The following GALNT13 variants were observed in gnomAD, a reference collection of about 807,000 sequenced individuals.
GALNT13 encodes the protein polypeptide N-acetylgalactosaminyltransferase 13, also known as UDP-GalNAc:polypeptide N-acetylgalactosaminyltransferase 13.
Under a neutral mutation model 64.2 loss-of-function variants are expected in GALNT13, and 28 were observed. That is an observed-to-expected ratio of 0.44 (90% CI 0.32 to 0.60). GALNT13 has a LOEUF of 0.60. GALNT13 is among the 20% of genes least tolerant of loss of function. GALNT13 has a pLI of 0.05. For missense variants in GALNT13, 577 were observed against 669.8 expected, an observed-to-expected ratio of 0.86 and a Z score of 1.53; for synonymous variants, 214 against 224.6, an observed-to-expected ratio of 0.95 and a Z score of 0.42.
intron 2 of GALNT13, among the ~76,000 whole-genome samples, chr2:153,912,522 C>A (rs1172328204): frequency 6.6e-6 from 1 of 152,126 alleles, no homozygotes; most frequent in Admixed American, 6.5e-5. Context: ...CTGGTTCTTT[C>A]TCATCTTTGT....
At chr2:153,175,135 G>A in the GALNT13 span, among the ~76,000 whole-genome samples, 1 of 152,098 alleles carries the variant, frequency 6.6e-6, no homozygotes, top group Non-Finnish European at 1.5e-5. Context: ...GGGAAGGAAG[G>A]ATGACCTAAA....
At chr2:153,840,312 A>G in the GALNT13 span, among the ~76,000 whole-genome samples, 1 of 152,126 alleles carries the variant, frequency 6.6e-6, no homozygotes, top group Admixed American at 6.6e-5. Context: ...GTTTGCTTTT[A>G]CATTTAAAAC....
the GALNT13 span, among the ~76,000 whole-genome samples, chr2:153,578,837 C>T: frequency 6.6e-6 from 1 of 152,080 alleles, no homozygotes; most frequent in Non-Finnish European, 1.5e-5. Context: ...AACACATTGG[C>T]GTCACTCCTG....
At chr2:154,163,019 A>G (rs981391978) in intron 4 of GALNT13, among the ~76,000 whole-genome samples, 33 of 150,330 alleles carry the variant, frequency 2.2e-4, no homozygotes, top group African/African-American at 7.8e-4. Context: ...TTTAGGGTAC[A>G]TGTGCACAAT....
the GALNT13 span, among the ~76,000 whole-genome samples, chr2:153,199,470 A>G: frequency 6.6e-6 from 1 of 152,170 alleles, no homozygotes; most frequent in Admixed American, 6.5e-5. Context: ...TTGTGGTAGT[A>G]TCATCAGACT....
the GALNT13 span, among the ~76,000 whole-genome samples, chr2:153,627,944 T>G: frequency 6.6e-6 from 1 of 152,134 alleles, no homozygotes; most frequent in East Asian, 1.9e-4. Flanking sequence ...CCTTGGGCAG[T>G]ATGGCCATTT....
chr2:153,455,371 G>T, the GALNT13 span, among the ~76,000 whole-genome samples: 1 of 152,194 alleles, frequency 6.6e-6, no homozygotes, highest in African/African-American at 2.4e-5. Context: ...TTGCCCCAGG[G>T]GTGCCTCGTT....
rs182656358 is a variant in GALNT13 at position 153,908,484 on chromosome 2, G to T, written c.-105+7477G>T. Reference sequence around the variant, plus strand: ...TTTAACAGGTTCTTCATCCAGAATGGTATTTTCTAGGTTGTCTTCCAGAGT... The same window carrying T: ...TTTAACAGGTTCTTCATCCAGAATGTTATTTTCTAGGTTGTCTTCCAGAGT... On this transcript the variant is annotated intron_variant, in intron 2 of 12. Transcript: ENST00000392825. Among the ~76,000 whole-genome samples the T allele has an allele frequency of 1.4e-3, 213 of 152,158 alleles. 3 individuals are homozygous for T. The highest frequency in any genetic ancestry group is 9.7e-3 in the South Asian group (47 of 4,828).
the GALNT13 span, among the ~76,000 whole-genome samples, chr2:153,788,183 CAGTAAGAGAGA>C: frequency 6.6e-6 from 1 of 151,938 alleles, no homozygotes; most frequent in African/African-American, 2.4e-5. Flanking sequence ...ATAATAAAGG[CAGTAAGAGAGA>C]AAGGACAGGT....
chr2:154,156,463 C>G (rs957130967), intron 4 of GALNT13, among the ~76,000 whole-genome samples: 1 of 151,958 alleles, frequency 6.6e-6, no homozygotes, highest in African/African-American at 2.4e-5. Flanking sequence ...GTAAATGTAG[C>G]TAAATATCAA....
the GALNT13 span, among the ~76,000 whole-genome samples, chr2:153,725,949 G>A: frequency 4.3e-3 from 657 of 151,730 alleles, 6 homozygotes; most frequent in African/African-American, 0.015. Flanking sequence ...ATATTTTTTC[G>A]TATGAAGTGT....
chr2:153,929,810 C>G (rs1177962684), intron 2 of GALNT13, among the ~76,000 whole-genome samples: 6 of 152,200 alleles, frequency 3.9e-5, no homozygotes, highest in African/African-American at 1.4e-4. Flanking sequence ...AATGAACATA[C>G]ACATATATAT....
the GALNT13 span, among the ~76,000 whole-genome samples, chr2:153,540,368 TG>T: frequency 6.6e-6 from 1 of 152,234 alleles, no homozygotes; most frequent in Non-Finnish European, 1.5e-5. Flanking sequence ...TGGAAACATC[TG>T]GATGTCCAGG....
intron 3 of GALNT13, among the ~76,000 whole-genome samples, chr2:154,118,266 T>A (rs1164628539): frequency 6.7e-6 from 1 of 150,274 alleles, no homozygotes; most frequent in African/African-American, 2.4e-5. Flanking sequence ...TATCATTATA[T>A]TATGTCCCTC....
the GALNT13 span, among the ~76,000 whole-genome samples, chr2:153,245,452 A>G: frequency 3.3e-5 from 5 of 152,200 alleles, no homozygotes; most frequent in Non-Finnish European, 7.3e-5. Context: ...TCAGGTAGCA[A>G]TCTTTGCTGT....
intron 9 of GALNT13, among the ~76,000 whole-genome samples, chr2:154,303,782 G>A (rs544109249): frequency 3.3e-4 from 50 of 150,034 alleles, no homozygotes; most frequent in African/African-American, 4.9e-4. Flanking sequence ...TTTTTGAGTC[G>A]GAGTCTAACT....
chr2:154,225,948 T>C (rs1231773184), intron 4 of GALNT13, among the ~76,000 whole-genome samples: 1 of 152,112 alleles, frequency 6.6e-6, no homozygotes, highest in Non-Finnish European at 1.5e-5. Context: ...TTATGATCTG[T>C]AGTTAAACAA....
At chr2:153,503,160 A>G in the GALNT13 span, among the ~76,000 whole-genome samples, 5 of 152,162 alleles carry the variant, frequency 3.3e-5, no homozygotes, top group Admixed American at 1.3e-4. Context: ...GCCTAACCCA[A>G]TGTCTAAAAT....
the GALNT13 span, among the ~76,000 whole-genome samples, chr2:153,739,977 TG>T: frequency 2.6e-5 from 4 of 151,952 alleles, no homozygotes; most frequent in African/African-American, 9.7e-5. Context: ...TTTGTGGAAA[TG>T]TTTTTTCTTC....
Sources: gnomAD v4.1 joint callset for allele counts (sites outside exome capture counted in the v4.1 genomes callset) on GRCh38, gnomAD v4.1.1 for gene constraint, MANE v1.5 for transcripts, NCBI Gene and HGNC (gene_info 2026-07-23, HGNC 2026-07-21) for gene names.